The following KAT6B variants were observed in gnomAD, a reference collection of about 807,000 sequenced individuals.
KAT6B encodes the protein lysine acetyltransferase 6B.
In KAT6B, 10 loss-of-function variants were observed where a neutral mutation model predicts 187.5. The observed-to-expected ratio is 0.05, with a 90% CI of 0.03 to 0.09. KAT6B has a LOEUF of 0.09. Among genes scored for constraint, KAT6B ranks in the 10% least tolerant of loss-of-function variants. KAT6B has a pLI of 1.00. For synonymous variants in KAT6B, 861 were observed against 926.8 expected, an observed-to-expected ratio of 0.93 and a Z score of 1.29; for missense variants, 1,952 against 2,558.9, an observed-to-expected ratio of 0.76 and a Z score of 5.12.
intron 3 of KAT6B, among the ~76,000 whole-genome samples, chr10:74,852,829 T>C (rs1326855754): frequency 6.6e-6 from 1 of 152,204 alleles, no homozygotes; most frequent in Non-Finnish European, 1.5e-5. Flanking sequence ...TAACACATGA[T>C]CCTGTCCTGA....
intron 9 of KAT6B, among the ~76,000 whole-genome samples, chr10:74,978,423 A>G (rs778661092): frequency 6.6e-6 from 1 of 152,216 alleles, no homozygotes; most frequent in Non-Finnish European, 1.5e-5. Context: ...TCCAGCCTGG[A>G]CAACACAGCA....
At chr10:75,004,861 C>G (rs540998391) in intron 13 of KAT6B, among the ~76,000 whole-genome samples, 20 of 151,956 alleles carry the variant, frequency 1.3e-4, no homozygotes, top group African/African-American at 4.8e-4. Flanking sequence ...GCCACCATTC[C>G]TGGCCATTTT....
chr10:74,915,588 C>T (rs1210611460), intron 3 of KAT6B, among the ~76,000 whole-genome samples: 3 of 152,210 alleles, frequency 2.0e-5, no homozygotes, highest in Non-Finnish European at 2.9e-5. Context: ...AAGGCAGGAA[C>T]TGTATCTCTC....
At chr10:74,922,184 A>C (rs1263122917) in intron 3 of KAT6B, among the ~76,000 whole-genome samples, 2 of 152,234 alleles carry the variant, frequency 1.3e-5, no homozygotes, top group Non-Finnish European at 2.9e-5. Flanking sequence ...AATACTGCTC[A>C]CATTTTAAAG....
intron 3 of KAT6B, among the ~76,000 whole-genome samples, chr10:74,872,449 C>T (rs549517713): frequency 1.3e-5 from 2 of 152,282 alleles, no homozygotes; most frequent in African/African-American, 4.8e-5. Flanking sequence ...GATCTCGGCT[C>T]AGCGCAACCT....
chr10:75,023,856 G>A (rs1397194217), intron 16 of KAT6B: 1 of 151,688 alleles, frequency 6.6e-6, no homozygotes, highest in Non-Finnish European at 1.5e-5. Flanking sequence ...AAATAAATAA[G>A]TATTTTTAAA....
At chr10:74,826,967 G>A (rs538173727) in intron 1 of KAT6B, among the ~76,000 whole-genome samples, 182 bp downstream of exon 1, 1 of 148,172 alleles carries the variant, frequency 6.7e-6, no homozygotes, top group African/African-American at 2.5e-5. Flanking sequence ...GAAAGGGGAG[G>A]AGGGACAGGC....
In KAT6B at chr10:74,843,079, A is replaced by G; in HGVS notation, c.222A>G (p.Pro74=). 9.3e-6 allele frequency: 15 copies of G among 1,614,200 alleles called. No homozygotes were observed. The highest frequency in any genetic ancestry group is 1.3e-5 in the Non-Finnish European group (15 of 1,180,036). The change falls in exon 3 of 18, where the codon CCA becomes CCG. Residue 74 remains proline (P), a synonymous_variant. Coordinates refer to ENST00000287239, the MANE Select transcript of KAT6B (RefSeq NM_012330.4). ...TNKGLASYKD[P]DNPGRFSSVK... ...AAGGCCTTGCCTCCTATAAGGACCCAGACAACCCTGGGCGCTTTTCATCAG... is the reference window on the plus strand; with the variant it reads ...AAGGCCTTGCCTCCTATAAGGACCCGGACAACCCTGGGCGCTTTTCATCAG...
intron 3 of KAT6B, among the ~76,000 whole-genome samples, chr10:74,891,332 CCT>C (rs1845632538): frequency 6.6e-6 from 1 of 152,184 alleles, no homozygotes. Flanking sequence ...GCTGAGAAGA[CCT>C]TAAGAATCTG....
intron 4 of KAT6B, among the ~76,000 whole-genome samples, chr10:74,960,365 A>G (rs1395239676): frequency 6.6e-6 from 1 of 152,106 alleles, no homozygotes; most frequent in Non-Finnish European, 1.5e-5. Context: ...CATTATAGGT[A>G]AATTCCATGT....
upstream of KAT6B, among the ~76,000 whole-genome samples, chr10:74,826,369 TC>T (rs538267465): frequency 1.1e-3 from 164 of 151,378 alleles, 1 homozygote; most frequent in African/African-American, 3.8e-3. Flanking sequence ...CAGTGGACCC[TC>T]CCCCGGGGTG....
chr10:74,861,380 T>A (rs1843177532), intron 3 of KAT6B, among the ~76,000 whole-genome samples: 1 of 152,238 alleles, frequency 6.6e-6, no homozygotes, highest in Admixed American at 6.5e-5. Flanking sequence ...ATCATCACTT[T>A]TAGAGCAATT....
chr10:74,903,746 A>G (rs1013029991), intron 3 of KAT6B, among the ~76,000 whole-genome samples: 3 of 152,168 alleles, frequency 2.0e-5, no homozygotes, highest in African/African-American at 7.2e-5. Context: ...TGTTGTTTTA[A>G]GCCACTGTTT....
chr10:74,877,114 C>T (rs1291680963), intron 3 of KAT6B, among the ~76,000 whole-genome samples: 3 of 151,428 alleles, frequency 2.0e-5, no homozygotes, highest in South Asian at 2.1e-4. Flanking sequence ...TACAGGCATG[C>T]GCCACCACGC....
At chr10:75,025,750 C>A in intron 17 of KAT6B, 1 of 167,518 alleles carries the variant, frequency 6.0e-6, no homozygotes, top group Non-Finnish European at 1.3e-5. Flanking sequence ...CTAAGCTGGG[C>A]ATGATGGCTT....
chr10:74,837,133 A>G (rs551157372), intron 1 of KAT6B, among the ~76,000 whole-genome samples: 2 of 152,366 alleles, frequency 1.3e-5, no homozygotes, highest in East Asian at 1.9e-4. Context: ...TTATGCTGAC[A>G]TGAATATTTC....
chr10:74,973,708 T>C (rs1161801263), intron 7 of KAT6B, among the ~76,000 whole-genome samples: 1 of 152,200 alleles, frequency 6.6e-6, no homozygotes, highest in Non-Finnish European at 1.5e-5. Flanking sequence ...CAAAAACCCT[T>C]TAACCAGTAG....
intron 13 of KAT6B, among the ~76,000 whole-genome samples, chr10:75,013,015 A>G (rs975833745): frequency 4.6e-5 from 7 of 152,130 alleles, no homozygotes; most frequent in Admixed American, 1.3e-4. Context: ...AGAGAGATCT[A>G]AGAGTGGGGC....
chr10:74,900,826 A>C (rs1395655766), intron 3 of KAT6B, among the ~76,000 whole-genome samples: 1 of 152,072 alleles, frequency 6.6e-6, no homozygotes, highest in Non-Finnish European at 1.5e-5. Flanking sequence ...ATGTTGGGGG[A>C]GTGGGGGTTA....
Sources: allele counts gnomAD v4.1 joint callset (sites outside exome capture counted in the v4.1 genomes callset), GRCh38; gene constraint gnomAD v4.1.1; transcripts MANE v1.5; gene names NCBI Gene and HGNC (gene_info 2026-07-23, HGNC 2026-07-21).